Variants in FBXO32 observed in about 807,000 individuals in gnomAD.
The protein encoded by FBXO32 is F-box protein 32.
Under a neutral mutation model 48.3 loss-of-function variants are expected in FBXO32, and 15 were observed. The observed-to-expected ratio is 0.31, with a 90% CI of 0.21 to 0.48. The LOEUF (loss-of-function observed/expected upper bound fraction) is 0.48, where lower values mean the gene tolerates loss of function less well. Ranked by LOEUF, FBXO32 falls within the 20% of genes least tolerant of loss-of-function variation. FBXO32 has a pLI of 0.99. For synonymous variants in FBXO32, 154 were observed against 165.9 expected (o/e 0.93, Z 0.55); for missense variants, 309 against 432.7 (o/e 0.71, Z 2.54).
intron 6 of FBXO32, among the ~76,000 whole-genome samples, chr8:123,511,910 G>C (rs1033172320): frequency 6.6e-6 from 1 of 152,138 alleles, no homozygotes; most frequent in Non-Finnish European, 1.5e-5. Context: ...AGTCAGTCCA[G>C]GCCATAGAGA....
intron 6 of FBXO32, among the ~76,000 whole-genome samples, chr8:123,507,156 C>A (rs1413260557): frequency 2.0e-5 from 3 of 152,218 alleles, no homozygotes; most frequent in Non-Finnish European, 1.5e-5. Flanking sequence ...TTACTCACTG[C>A]ACCTTCCTAG....
chr8:123,526,642 C>G (rs1193966933), intron 4 of FBXO32, among the ~76,000 whole-genome samples: 1 of 152,178 alleles, frequency 6.6e-6, no homozygotes, highest in Non-Finnish European at 1.5e-5. Context: ...CCCCTAAGTT[C>G]TACTCCTACT....
intron 1 of FBXO32, among the ~76,000 whole-genome samples, chr8:123,537,124 G>A (rs1817323488): frequency 6.6e-6 from 1 of 152,078 alleles, no homozygotes. Context: ...TCAGTTAGAG[G>A]CTATTTTGAG....
chr8:123,529,636 A>G (rs371152775), intron 4 of FBXO32, among the ~76,000 whole-genome samples: 12 of 152,330 alleles, frequency 7.9e-5, no homozygotes, highest in African/African-American at 2.4e-4. Context: ...TTAAAAGTGT[A>G]GACTCTGACT....
intron 4 of FBXO32, chr8:123,527,017 T>A (rs918227877): frequency 7.2e-5 from 11 of 152,242 alleles, no homozygotes; most frequent in Non-Finnish European, 1.3e-4. Context: ...AATAAAACTT[T>A]ATTTATGGAT....
Position 123,540,740 on chromosome 8 carries a change from C to T in FBXO32, c.116+159G>A, listed in dbSNP as rs1817394424. 6.6e-6 allele frequency among the ~76,000 whole-genome samples: 1 copy of T among 152,124 alleles called. No individual in the cohort carries two copies. Among genetic ancestry groups the T allele is most frequent in the Non-Finnish European group, 1.5e-5 (1 of 67,998 alleles). The stretch of plus-strand genomic sequence containing the variant: ...TCCCTGTCTCCGGTGGTCCGAAGAC[C>T]TCTGCAGAAATCGGGCCCCGTAGTC... On this transcript the variant is annotated intron_variant, in intron 1 of 8. Transcript: ENST00000517956. This position sits in a 1 kb window ranked among gnomAD's most constrained non-coding sequence, Gnocchi z 6.4.
chr8:123,520,080 G>A (rs995168368), intron 4 of FBXO32, among the ~76,000 whole-genome samples: 8 of 152,194 alleles, frequency 5.3e-5, no homozygotes, highest in African/African-American at 1.4e-4. Flanking sequence ...AAGCCATCGC[G>A]CACAGCCCAA....
Position 123,501,379 on chromosome 8 carries a change from A to AAAAACAAAAC in FBXO32, c.*1984_*1993dup, listed in dbSNP as rs1186070614. The AAAAACAAAAC allele has an allele frequency of 9.9e-5, 15 of 152,002 alleles. No individual in the cohort carries two copies. Among genetic ancestry groups the AAAAACAAAAC allele is most frequent in the Non-Finnish European group, 1.6e-4 (11 of 68,012 alleles). The allele number at this position is 152,002 out of a possible 1,614,324, so 9.4% of individuals were successfully genotyped here. On this transcript the variant is annotated 3_prime_UTR_variant, in exon 9 of 9. Coordinates refer to ENST00000517956, the MANE Select transcript of FBXO32 (RefSeq NM_058229.4). ...GAGGGATTGCAAAAAAAAAACAAAAAAAAACAAAACAAAACACACACCTTA... is the reference window on the plus strand; with the variant it reads ...GAGGGATTGCAAAAAAAAAACAAAAAAAAACAAAACAAAACAAAACAAAACACACACCTTA...
At chr8:123,509,023 C>T (rs1022273985) in intron 6 of FBXO32, among the ~76,000 whole-genome samples, 8 of 152,170 alleles carry the variant, frequency 5.3e-5, no homozygotes, top group Non-Finnish European at 1.0e-4. Flanking sequence ...GGGTCTATGT[C>T]ACTCCTCACA....
In FBXO32 at chr8:123,540,851, CCCGGGT is replaced by C; in HGVS notation, c.116+42_116+47del. 1.3e-6 allele frequency: 2 copies of C among 1,516,246 alleles called. No homozygotes were observed. Among genetic ancestry groups the C allele is most frequent in the South Asian group, 2.3e-5 (2 of 87,386 alleles). 93.9% of individuals were successfully genotyped at this position (1,516,246 alleles called of 1,614,324 possible). On this transcript the variant is annotated intron_variant, in intron 1 of 8. Coordinates refer to ENST00000517956, the MANE Select transcript of FBXO32 (RefSeq NM_058229.4). The surrounding 1 kb of genome is among the most constrained non-coding windows in gnomAD (Gnocchi z 6.4). ...GCCGTCCCTGCGCCCCCCAGACCAG[CCCGGGT>C]CAGTTTCGCGGGGGCTGGAAGTTGG...
Sources: allele counts gnomAD v4.1 joint callset (sites outside exome capture counted in the v4.1 genomes callset), GRCh38; gene constraint gnomAD v4.1.1; non-coding constraint Gnocchi (gnomAD v3.1); transcripts MANE v1.5; gene names NCBI Gene and HGNC (gene_info 2026-07-23, HGNC 2026-07-21).